Variants in NDST3 observed in about 807,000 individuals in gnomAD.
NDST3 encodes N-deacetylase and N-sulfotransferase 3.
Under a neutral mutation model 96.1 loss-of-function variants are expected in NDST3, and 58 were observed. The ratio of observed to expected loss-of-function variants is 0.60; its 90% CI spans 0.49 to 0.75. The LOEUF (loss-of-function observed/expected upper bound fraction) is 0.75, where lower values mean the gene tolerates loss of function less well. Among genes scored for constraint, NDST3 ranks in the 30% least tolerant of loss-of-function variants. NDST3 has a pLI of 0.00. For synonymous variants in NDST3, 333 were observed against 359.7 expected, an observed-to-expected ratio of 0.93 and a Z score of 0.84; for missense variants, 788 against 1,034.2, an observed-to-expected ratio of 0.76 and a Z score of 3.27.
chr4:118,230,463 T>C (rs1325015339), intron 8 of NDST3, among the ~76,000 whole-genome samples: 1 of 151,766 alleles, frequency 6.6e-6, no homozygotes, highest in Non-Finnish European at 1.5e-5. Context: ...TAGTCCCAGC[T>C]ACTCAAGAGG....
chr4:118,193,440 TG>T, intron 6 of NDST3: 1 of 700,536 alleles, frequency 1.4e-6, no homozygotes, highest in South Asian at 1.7e-5. Flanking sequence ...TGGCTCTCTG[TG>T]GTGTTGCTCT....
intron 6 of NDST3, among the ~76,000 whole-genome samples, chr4:118,173,677 G>A (rs1736099435): frequency 6.6e-6 from 1 of 152,030 alleles, no homozygotes; most frequent in African/African-American, 2.4e-5. Flanking sequence ...ATCATATTCA[G>A]TACTTTATTT....
chr4:118,176,725 T>G (rs1261599178), intron 6 of NDST3, among the ~76,000 whole-genome samples: 1 of 152,042 alleles, frequency 6.6e-6, no homozygotes, highest in African/African-American at 2.4e-5. Context: ...CTACACTAAT[T>G]GATAGAACAA....
In NDST3 at chr4:118,257,156, G is replaced by T. The variant is rs1226127954; in HGVS notation, c.*1444G>T. 2 of 151,434 alleles carry T rather than the reference G, an allele frequency of 1.3e-5. No individual in the cohort carries two copies. The highest frequency in any genetic ancestry group is 2.9e-5 in the Non-Finnish European group (2 of 67,886). 9.4% of individuals were successfully genotyped at this position (151,434 alleles called of 1,614,324 possible). ...TTTACTTAATTTTTTTTTTTGAGAG[G>T]GGGACAGAGTCTCACTATGTCACCC... On this transcript the variant is annotated 3_prime_UTR_variant, in exon 14 of 14. Coordinates refer to ENST00000296499, the MANE Select transcript of NDST3 (RefSeq NM_004784.3).
chr4:118,129,797 G>T (rs1732451512), intron 4 of NDST3, among the ~76,000 whole-genome samples: 1 of 152,012 alleles, frequency 6.6e-6, no homozygotes, highest in South Asian at 2.1e-4. Context: ...GAAATCTCCA[G>T]CTATTATTGT....
intron 6 of NDST3, among the ~76,000 whole-genome samples, chr4:118,170,823 C>T (rs1425747929): frequency 1.3e-5 from 2 of 152,092 alleles, no homozygotes; most frequent in Admixed American, 6.6e-5. Context: ...TAATTATTTG[C>T]CTTTTCTATA....
intron 7 of NDST3, 83 bp downstream of exon 7, chr4:118,224,756 G>T (rs547775890): frequency 1.6e-6 from 2 of 1,262,404 alleles, no homozygotes; most frequent in Non-Finnish European, 2.1e-6. Flanking sequence ...AAAAGTGAAG[G>T]CACCTGAAAA....
intron 6 of NDST3, among the ~76,000 whole-genome samples, chr4:118,214,996 G>A (rs905836856): frequency 1.3e-5 from 2 of 152,114 alleles, no homozygotes; most frequent in African/African-American, 4.8e-5. Context: ...AGCAGATGAG[G>A]TCCCTGCTCT....
chr4:118,070,527 C>G (rs549014995), intron 2 of NDST3, among the ~76,000 whole-genome samples: 2 of 152,006 alleles, frequency 1.3e-5, no homozygotes, highest in South Asian at 4.2e-4. Flanking sequence ...TCCCTACAGT[C>G]TATTATTTTG....
rs1578628955 is a variant in NDST3 at position 118,096,006 on chromosome 4, C to A, written c.982-9012C>A. 3.3e-5 allele frequency among the ~76,000 whole-genome samples: 5 copies of A among 151,982 alleles called. No homozygotes were observed. In the South Asian group the frequency reaches 1.0e-3, roughly 31 times the overall value. ...CATTTCAATTGTTTCTACTTTTTAGCTATCGTGAATAGTACAACCATGAAC... is the reference window on the plus strand; with the variant it reads ...CATTTCAATTGTTTCTACTTTTTAGATATCGTGAATAGTACAACCATGAAC... On this transcript the variant is annotated intron_variant, in intron 2 of 13. Transcript: ENST00000296499.
At chr4:118,115,307 T>C (rs1313527320) in intron 4 of NDST3, among the ~76,000 whole-genome samples, 1 of 152,130 alleles carries the variant, frequency 6.6e-6, no homozygotes, top group African/African-American at 2.4e-5. Flanking sequence ...CAAAATGAAA[T>C]ACTTTTTCAA....
intron 2 of NDST3, among the ~76,000 whole-genome samples, chr4:118,099,952 A>G (rs1729629775): frequency 6.6e-6 from 1 of 152,042 alleles, no homozygotes; most frequent in Non-Finnish European, 1.5e-5. Flanking sequence ...TGCAGATTGT[A>G]CAGTGAGTAA....
intron 2 of NDST3, among the ~76,000 whole-genome samples, chr4:118,102,439 G>A (rs1030197343): frequency 2.0e-5 from 3 of 152,070 alleles, no homozygotes; most frequent in African/African-American, 4.8e-5. Context: ...GTCTGTGGTC[G>A]TGGAGCACTG....
chr4:118,161,174 G>A (rs554112484), intron 6 of NDST3, among the ~76,000 whole-genome samples: 1 of 152,342 alleles, frequency 6.6e-6, no homozygotes, highest in Admixed American at 6.5e-5. Flanking sequence ...AGCGGCAGCT[G>A]CAGAACAGCA....
intron 12 of NDST3, among the ~76,000 whole-genome samples, chr4:118,245,109 C>T (rs1741234005): frequency 6.6e-6 from 1 of 152,028 alleles, no homozygotes; most frequent in African/African-American, 2.4e-5. Context: ...TGAAATAAGA[C>T]AGGAAAAACA....
chr4:118,203,531 G>A (rs185254987), intron 6 of NDST3, among the ~76,000 whole-genome samples: 1 of 152,254 alleles, frequency 6.6e-6, no homozygotes, highest in Non-Finnish European at 1.5e-5. Flanking sequence ...TCCTGATTCA[G>A]TCTTGGAAGA....
chr4:118,079,278 C>T (rs994491380), intron 2 of NDST3, among the ~76,000 whole-genome samples: 2 of 151,968 alleles, frequency 1.3e-5, no homozygotes, highest in African/African-American at 2.4e-5. Context: ...AAGAGAGCTA[C>T]GAAGAAAATG....
At chr4:118,107,492 CA>C (rs1484573299) in intron 3 of NDST3, among the ~76,000 whole-genome samples, 3 of 151,972 alleles carry the variant, frequency 2.0e-5, no homozygotes, top group African/African-American at 7.2e-5. Flanking sequence ...AAAAAGCTCT[CA>C]AGATACACTG....
chr4:118,216,472 AC>A (rs1486832699), intron 6 of NDST3, among the ~76,000 whole-genome samples: 1 of 152,084 alleles, frequency 6.6e-6, no homozygotes, highest in East Asian at 1.9e-4. Context: ...TGTAATGACA[AC>A]CCTGTGAGGT....
Sources: allele counts gnomAD v4.1 joint callset (sites outside exome capture counted in the v4.1 genomes callset), GRCh38; gene constraint gnomAD v4.1.1; transcripts MANE v1.5; gene names NCBI Gene and HGNC (gene_info 2026-07-23, HGNC 2026-07-21).